The following MAP3K13 variants were observed in gnomAD, a reference collection of about 807,000 sequenced individuals.
MAP3K13 encodes the protein leucine zipper-bearing kinase.
In MAP3K13, 52 loss-of-function variants were observed where a neutral mutation model predicts 104.0. The ratio of observed to expected loss-of-function variants is 0.50; its 90% CI spans 0.40 to 0.63. The LOEUF (loss-of-function observed/expected upper bound fraction) is 0.63. Among genes scored for constraint, MAP3K13 ranks in the 20% least tolerant of loss-of-function variants. MAP3K13 has a pLI of 0.00. For synonymous variants in MAP3K13, 394 were observed against 442.2 expected (o/e 0.89, Z 1.37); for missense variants, 914 against 1,218.5 (o/e 0.75, Z 3.72).
chr3:185,377,696 C>A (rs979793358), intron 1 of MAP3K13, among the ~76,000 whole-genome samples: 1 of 152,132 alleles, frequency 6.6e-6, no homozygotes, highest in Non-Finnish European at 1.5e-5. Flanking sequence ...GAGTAGGTAG[C>A]CTCCGTATTG....
At chr3:185,455,245 T>TATATATGAGATATATGA in intron 7 of MAP3K13, among the ~76,000 whole-genome samples, 1 of 13,324 alleles carries the variant, frequency 7.5e-5, no homozygotes, top group African/African-American at 1.5e-4. Flanking sequence ...GATATATATA[T>TATATATGAGATATATGA]GATATATATG....
intron 1 of MAP3K13, among the ~76,000 whole-genome samples, chr3:185,422,607 T>TA (rs1250131009): frequency 1.3e-5 from 2 of 152,204 alleles, no homozygotes; most frequent in Non-Finnish European, 2.9e-5. Context: ...AAGTTCGGGA[T>TA]AAAAAATTGA....
In MAP3K13 at chr3:185,315,723, A is replaced by G. The variant is rs1400292928; in HGVS notation, c.-86+30080A>G. ...AACCACCTTTACTTTCAGGGACCTA[A>G]TCTGTAAAATGAGGATAACAGTGTA... On this transcript the variant is annotated intron_variant, in intron 2 of 14. Transcript: ENST00000424227. This position sits in a 1 kb window ranked among gnomAD's most constrained non-coding sequence, Gnocchi z 4.3. Among the ~76,000 whole-genome samples, 2 of 152,158 alleles carry G rather than the reference A, an allele frequency of 1.3e-5. No homozygotes were observed. The highest frequency in any genetic ancestry group is 2.9e-5 in the Non-Finnish European group (2 of 68,018).
At chr3:185,313,144 G>A (rs1210229276) in intron 2 of MAP3K13, among the ~76,000 whole-genome samples, 1 of 150,470 alleles carries the variant, frequency 6.6e-6, no homozygotes, top group Non-Finnish European at 1.5e-5. Context: ...AGCTGATATT[G>A]CACCTTTGCA....
In MAP3K13 at chr3:185,466,831, A is replaced by C; in HGVS notation, c.1511A>C (p.Glu504Ala). The change falls in exon 10 of 14, where the codon GAG becomes GCG. Residue 504 changes from glutamate to alanine, a missense_variant. Glu to Ala is a moderately radical substitution (Grantham distance 107, BLOSUM62 -1). This residue lies in a region of MAP3K13 where 583 missense variants were observed against 737.4 expected (regional missense o/e 0.79). Transcript: ENST00000265026. ...EMREKELIKR[E>A]QAVEKKYPGT... ...CTTTTGCCTTTATTCTGCAGGCGTG[A>C]GCAAGCAGTGGAAAAGAAGTATCCT... 3 of 1,613,954 alleles carry C rather than the reference A, an allele frequency of 1.9e-6. No individual in the cohort carries two copies. Among genetic ancestry groups the C allele is most frequent in the Non-Finnish European group, 2.5e-6 (3 of 1,179,850 alleles).
At chr3:185,342,507 A>G (rs1346998404) in intron 2 of MAP3K13, among the ~76,000 whole-genome samples, 2 of 152,210 alleles carry the variant, frequency 1.3e-5, no homozygotes, top group African/African-American at 4.8e-5. Flanking sequence ...GAATATTTTC[A>G]TAATTCTCTA....
chr3:185,335,542 G>T (rs961739011), intron 2 of MAP3K13, among the ~76,000 whole-genome samples: 1 of 152,062 alleles, frequency 6.6e-6, no homozygotes, highest in Non-Finnish European at 1.5e-5. Context: ...CATTTTCCTT[G>T]CTGCAGGTTC....
At chr3:185,360,814 T>G (rs1421606371), upstream of MAP3K13, among the ~76,000 whole-genome samples, 2 of 139,194 alleles carry the variant, frequency 1.4e-5, no homozygotes, top group Non-Finnish European at 3.1e-5. Flanking sequence ...TACAACAGCT[T>G]TAGCTTTTTT....
At chr3:185,461,444 G>GA (rs1179937705) in intron 7 of MAP3K13, among the ~76,000 whole-genome samples, 2 of 152,118 alleles carry the variant, frequency 1.3e-5, no homozygotes, top group Non-Finnish European at 2.9e-5. Context: ...CTAATTTGGG[G>GA]AAAACCTTCT....
chr3:185,348,352 G>A (rs1372683325), intron 2 of MAP3K13, among the ~76,000 whole-genome samples: 1 of 152,134 alleles, frequency 6.6e-6, no homozygotes, highest in African/African-American at 2.4e-5. Context: ...AAGAAAATGT[G>A]GCCTTTTTAG....
intron 1 of MAP3K13, among the ~76,000 whole-genome samples, chr3:185,391,609 T>C (rs1712056172): frequency 1.3e-5 from 2 of 152,226 alleles, no homozygotes; most frequent in Admixed American, 1.3e-4. Flanking sequence ...CTAAAACTCA[T>C]GATATTACTT....
chr3:185,367,617 A>G (rs1723950394), intron 1 of MAP3K13, among the ~76,000 whole-genome samples: 1 of 151,806 alleles, frequency 6.6e-6, no homozygotes, highest in Non-Finnish European at 1.5e-5. Context: ...TTTTTTTTTA[A>G]ACAAGGTCTC....
rs147919383 is a variant in MAP3K13 at position 185,382,417 on chromosome 3, T to C, written c.-86+19049T>C. On this transcript the variant is annotated intron_variant, in intron 1 of 13. Coordinates refer to ENST00000265026, the MANE Select transcript of MAP3K13 (RefSeq NM_004721.5). ...CTGCAAATAAGTTAAGACTACTGTATATGATGTAGTGATAAGAGACAAGAA... is the reference window on the plus strand; with the variant it reads ...CTGCAAATAAGTTAAGACTACTGTACATGATGTAGTGATAAGAGACAAGAA... Among the ~76,000 whole-genome samples the C allele has an allele frequency of 6.1e-3, 931 of 152,264 alleles. 8 individuals carry two copies. The highest frequency in any genetic ancestry group is 0.02 in the African/African-American group (842 of 41,558).
chr3:185,368,684 C>T (rs749730355), intron 1 of MAP3K13, among the ~76,000 whole-genome samples: 1 of 152,116 alleles, frequency 6.6e-6, no homozygotes, highest in South Asian at 2.1e-4. Flanking sequence ...CTTTCAGGTG[C>T]GGTGGCTCAC....
intron 2 of MAP3K13, among the ~76,000 whole-genome samples, chr3:185,300,956 A>G (rs563486976): frequency 3.3e-4 from 50 of 152,200 alleles, no homozygotes; most frequent in Non-Finnish European, 3.8e-4. Flanking sequence ...TCTTTTGGAT[A>G]TATACCCAGA....
chr3:185,333,777 G>A lies in MAP3K13; in HGVS notation c.-86+48134G>A, dbSNP rs1722369704. On this transcript the variant is annotated intron_variant, in intron 2 of 14. Coordinates refer to the MAP3K13 transcript ENST00000424227. ...AAAAAATAGAAAGAAAAAGAGGCTG[G>A]GTGTGGTGGCCCATGCCTATAAACC... Among the ~76,000 whole-genome samples the A allele has an allele frequency of 3.3e-5, 5 of 152,250 alleles. No homozygotes were observed. In the South Asian group the frequency reaches 1.0e-3, roughly 32 times the overall value.
chr3:185,362,400 T>C (rs1236613689), upstream of MAP3K13, among the ~76,000 whole-genome samples: 1 of 152,194 alleles, frequency 6.6e-6, no homozygotes, highest in Non-Finnish European at 1.5e-5. Flanking sequence ...CAAAGTTTCA[T>C]TAAGTGCCCT....
intron 1 of MAP3K13, among the ~76,000 whole-genome samples, chr3:185,407,761 G>A (rs1713196265): frequency 6.6e-6 from 1 of 151,238 alleles, no homozygotes; most frequent in African/African-American, 2.4e-5. Flanking sequence ...TTTGGTTTCT[G>A]TCCTTATAGT....
intron 1 of MAP3K13, among the ~76,000 whole-genome samples, chr3:185,400,384 G>A (rs1712723407): frequency 6.6e-6 from 1 of 152,152 alleles, no homozygotes; most frequent in Non-Finnish European, 1.5e-5. Flanking sequence ...ACATTACATG[G>A]TAACTATTTA....
Sources: gnomAD v4.1 joint callset for allele counts (sites outside exome capture counted in the v4.1 genomes callset) on GRCh38, gnomAD v4.1.1 for gene constraint, gnomAD v4.1.1 regional missense constraint, Gnocchi (gnomAD v3.1) non-coding constraint, MANE v1.5 for transcripts, NCBI Gene and HGNC (gene_info 2026-07-23, HGNC 2026-07-21) for gene names.